DACH2: variants seen among roughly 807,000 people sequenced by gnomAD.
The protein encoded by DACH2 is dachshund homolog 2.
A neutral mutation model predicts 35.8 loss-of-function variants in DACH2; 17 were observed. That is an observed-to-expected ratio of 0.48 (90% CI 0.33 to 0.71). DACH2 has a LOEUF of 0.71. DACH2 is among the 30% of genes least tolerant of loss of function. The pLI is 0.02. For missense variants in DACH2, 469 were observed against 472.7 expected (o/e 0.99, Z 0.07); for synonymous variants, 195 against 177.3 (o/e 1.10, Z -0.79).
intron 2 of DACH2, among the ~76,000 whole-genome samples, chrX:86,413,323 G>A (rs375779775): frequency 3.8e-4 from 43 of 112,042 alleles, no homozygotes; most frequent in Admixed American, 2.6e-3. Context: ...TGCTGGTCTC[G>A]CCAGCTGAAG....
chrX:86,158,975 G>T (rs1328046635), intron 1 of DACH2, among the ~76,000 whole-genome samples: 1 of 111,595 alleles, frequency 9.0e-6, no homozygotes, highest in Admixed American at 9.6e-5. Context: ...AATAAAACAT[G>T]TATTTCCACT....
chrX:86,812,388 T>C (rs1345598786), intron 7 of DACH2, among the ~76,000 whole-genome samples: 2 of 111,656 alleles, frequency 1.8e-5, no homozygotes, highest in African/African-American at 6.5e-5. Flanking sequence ...ATTAGACAAC[T>C]CTAGAAATTT....
At chrX:86,565,056 A>G (rs2039277010) in intron 3 of DACH2, among the ~76,000 whole-genome samples, 1 of 111,492 alleles carries the variant, frequency 9.0e-6, no homozygotes, top group South Asian at 3.7e-4. Flanking sequence ...ACATTCATTT[A>G]TTGTTCACAA....
At chrX:86,406,168 G>GA (rs779903780) in intron 2 of DACH2, among the ~76,000 whole-genome samples, 2 of 111,676 alleles carry the variant, frequency 1.8e-5, no homozygotes, top group East Asian at 5.6e-4. Context: ...GACTTGATAA[G>GA]AAAAAATAGT....
At chrX:86,511,475 C>T (rs1602595321) in intron 2 of DACH2, among the ~76,000 whole-genome samples, 1 of 111,675 alleles carries the variant, frequency 9.0e-6, no homozygotes, top group East Asian at 2.8e-4. Context: ...CAACCATACT[C>T]ACTAAAGGGT....
At chrX:86,604,659 A>C (rs1426051537) in intron 3 of DACH2, among the ~76,000 whole-genome samples, 1 of 111,647 alleles carries the variant, frequency 9.0e-6, no homozygotes, top group Non-Finnish European at 1.9e-5. Flanking sequence ...CGATGATGTA[A>C]TTAAAATGAC....
intron 2 of DACH2, among the ~76,000 whole-genome samples, chrX:86,472,453 GA>G (rs1431205975): frequency 9.0e-6 from 1 of 111,593 alleles, no homozygotes; most frequent in Non-Finnish European, 1.9e-5. Context: ...GCACATTTCA[GA>G]CTTCTGACCC....
Position 86,254,807 on chromosome X carries a change from T to TAGAGAG in DACH2, c.488+105725_488+105730dup, listed in dbSNP as rs755869488. Among the ~76,000 whole-genome samples, 461 of 49,608 alleles carry TAGAGAG rather than the reference T, an allele frequency of 9.3e-3. 7 individuals are homozygous for TAGAGAG. The highest frequency in any genetic ancestry group is 0.023 in the South Asian group (17 of 732). The allele number at this position is 49,608 out of a possible 115,157, so 43.1% of individuals were successfully genotyped here. Reference sequence around the variant, plus strand: ...ATATATATATATATATATATATATATAGAGAGAGAGAGAGAGAGAGAGAGA... The same window carrying TAGAGAG: ...ATATATATATATATATATATATATATAGAGAGAGAGAGAGAGAGAGAGAGAGAGAGA... On this transcript the variant is annotated intron_variant, in intron 1 of 11. Transcript: ENST00000373125.
At chrX:86,237,262 T>G (rs772312009) in intron 1 of DACH2, among the ~76,000 whole-genome samples, 1 of 111,769 alleles carries the variant, frequency 8.9e-6, no homozygotes, top group Non-Finnish European at 1.9e-5. Context: ...TGTTTTACAT[T>G]AACTTTTTTT....
Position 86,483,952 on chromosome X carries a change from T to C in DACH2, c.528-30327T>C, listed in dbSNP as rs193068172. On this transcript the variant is annotated intron_variant, in intron 2 of 11. Transcript: ENST00000373125. The stretch of plus-strand genomic sequence containing the variant: ...ATTTTCACCACTCTTTCTCTATTTT[T>C]GTGCGTGTATGTATACATGAGTGTC... Among the ~76,000 whole-genome samples the C allele has an allele frequency of 2.7e-5, 3 of 112,009 alleles. No individual in the cohort carries two copies. The East Asian group carries it at 8.5e-4, about 32-fold the overall frequency.
Position 86,424,413 on chromosome X carries a change from A to C in DACH2, c.527+47551A>C, listed in dbSNP as rs753558079. 2.7e-5 allele frequency among the ~76,000 whole-genome samples: 3 copies of C among 110,479 alleles called. No individual in the cohort carries two copies. The East Asian group carries it at 8.5e-4, about 31-fold the overall frequency. Reference sequence around the variant, plus strand: ...TGGAGATCATTTACTTCTTCAGTTAATTTCTAGCTATTTAAATTTATGTGT... The same window carrying C: ...TGGAGATCATTTACTTCTTCAGTTACTTTCTAGCTATTTAAATTTATGTGT... On this transcript the variant is annotated intron_variant, in intron 2 of 11. Transcript: ENST00000373125.
chrX:86,496,926 T>C (rs2038180372), intron 2 of DACH2, among the ~76,000 whole-genome samples: 1 of 111,688 alleles, frequency 9.0e-6, no homozygotes, highest in South Asian at 3.7e-4. Flanking sequence ...CTTATCAGCT[T>C]ACCTAGATGT....
At chrX:86,161,051 C>A (rs891579426) in intron 1 of DACH2, 2 of 1,042,118 alleles carry the variant, frequency 1.9e-6, no homozygotes, top group African/African-American at 1.9e-5. Context: ...TTGCCTCCAG[C>A]ATGTTGTCAT....
intron 1 of DACH2, among the ~76,000 whole-genome samples, chrX:86,292,897 A>C (rs1229782085): frequency 9.4e-6 from 1 of 105,877 alleles, no homozygotes; most frequent in African/African-American, 3.5e-5. Flanking sequence ...GAAAATGTAT[A>C]TTCTGTTGAT....
intron 5 of DACH2, among the ~76,000 whole-genome samples, chrX:86,697,836 T>G (rs1224051581): frequency 9.0e-6 from 1 of 111,245 alleles, no homozygotes; most frequent in East Asian, 2.8e-4. Flanking sequence ...AGAGAAACGT[T>G]GACTGAAATA....
At chrX:86,599,293 A>T (rs939470180) in intron 3 of DACH2, among the ~76,000 whole-genome samples, 22 of 110,720 alleles carry the variant, frequency 2.0e-4, no homozygotes, top group African/African-American at 7.2e-4. Context: ...TTTCTCTCAG[A>T]ATGAAAAAAG....
chrX:86,311,046 C>A (rs1177342527), intron 1 of DACH2, among the ~76,000 whole-genome samples: 1 of 111,441 alleles, frequency 9.0e-6, no homozygotes, highest in East Asian at 2.8e-4. Context: ...TTTCCAGCAG[C>A]AGAGATCAAC....
chrX:86,240,178 T>A (rs1352612301), intron 1 of DACH2, among the ~76,000 whole-genome samples: 2 of 111,403 alleles, frequency 1.8e-5, no homozygotes, highest in Admixed American at 1.9e-4. Flanking sequence ...GTAGAGTGAG[T>A]CCTGGAACAG....
chrX:86,165,142 C>A (rs1197386880), intron 1 of DACH2, among the ~76,000 whole-genome samples: 1 of 110,199 alleles, frequency 9.1e-6, no homozygotes. Flanking sequence ...ATTGTAGAGA[C>A]CTTTCACCTC....
Sources: allele counts gnomAD v4.1 joint callset (sites outside exome capture counted in the v4.1 genomes callset), GRCh38; gene constraint gnomAD v4.1.1; transcripts MANE v1.5; gene names NCBI Gene and HGNC (gene_info 2026-07-23, HGNC 2026-07-21).